The following PARD6G variants were observed in gnomAD, a reference collection of about 807,000 sequenced individuals.
The protein encoded by PARD6G is par-6 family cell polarity regulator gamma, also known as partitioning defective 6 homolog gamma.
PARD6G carries 7 observed loss-of-function variants against 10.7 expected under a neutral mutation model. The ratio of observed to expected loss-of-function variants is 0.66; its 90% confidence interval spans 0.37 to 1.23. PARD6G has a LOEUF of 1.23. PARD6G is among the 50% of genes most tolerant of loss of function. PARD6G has a pLI of 0.02. For missense variants in PARD6G, 548 were observed against 571.8 expected (o/e 0.96, Z 0.42); for synonymous variants, 287 against 269.4 (o/e 1.07, Z -0.64).
Position 80,247,215 on chromosome 18 carries a change from G to A in PARD6G, c.72+62C>T. The A allele has an allele frequency of 1.5e-6, 2 of 1,373,774 alleles. No homozygotes were observed. The highest frequency in any genetic ancestry group is 2.0e-6 in the Non-Finnish European group (2 of 1,003,238). The allele number at this position is 1,373,774 out of a possible 1,614,324, so 85.1% of individuals were successfully genotyped here. A position where few individuals can be genotyped will look rare whatever the true frequency, so the allele number is the denominator to read the frequency against. On this transcript the variant is annotated intron_variant, in intron 1 of 2. Transcript: ENST00000353265. The surrounding 1 kb of genome is among the most constrained non-coding windows in gnomAD (Gnocchi z 4.2). Reference sequence around the variant, plus strand: ...ACGCCGCCCCAGTCCCCCTCCGCGGGGCGCCCCATTCATTAGCCAGGAGAC... The same window carrying A: ...ACGCCGCCCCAGTCCCCCTCCGCGGAGCGCCCCATTCATTAGCCAGGAGAC...
intron 2 of PARD6G, among the ~76,000 whole-genome samples, chr18:80,195,126 T>G (rs1966938942): frequency 6.6e-6 from 1 of 152,016 alleles, no homozygotes. Context: ...TGGCCTCAGT[T>G]CCATCAAACT....
rs1028038811 is a variant in PARD6G, at chr18:80,246,166, A to C, written c.72+1111T>G. On this transcript the variant is annotated intron_variant, in intron 1 of 2. Transcript: ENST00000353265. The surrounding 1 kb of genome is among the most constrained non-coding windows in gnomAD (Gnocchi z 6.7). ...GGGTGCGGGCTCCCACTCCGCCGTT[A>C]GGAGCCTTTCCCACAACTCTGAGAA... Among the ~76,000 whole-genome samples, 1 of 152,068 alleles carries C rather than the reference A, an allele frequency of 6.6e-6. No homozygotes were observed. The highest frequency in any genetic ancestry group is 2.4e-5 in the African/African-American group (1 of 41,404).
At chr18:80,220,637 ATC>A (rs1417470453) in intron 1 of PARD6G, among the ~76,000 whole-genome samples, 4 of 151,686 alleles carry the variant, frequency 2.6e-5, no homozygotes, top group Non-Finnish European at 4.4e-5. Flanking sequence ...TTGAGACAAA[ATC>A]TCTCTGTGTC....
chr18:80,168,894 T>G (rs1441627812), intron 2 of PARD6G: 1 of 167,018 alleles, frequency 6.0e-6, no homozygotes, highest in Non-Finnish European at 1.5e-5. Flanking sequence ...ACTAAAGATT[T>G]TCTAAGAAAT....
At chr18:80,172,379 CT>C (rs796958659) in intron 2 of PARD6G, among the ~76,000 whole-genome samples, 4,908 of 134,792 alleles carry the variant, frequency 0.036, 80 homozygotes, top group Non-Finnish European at 0.05. Context: ...GGTTGTATGT[CT>C]TTTTTTTTTT....
At position 80,183,508 on chromosome 18, in the gene PARD6G, GGTC is replaced by G. The variant is rs1030015907; in HGVS notation, c.295+19199_295+19201del. Among the ~76,000 whole-genome samples the G allele has an allele frequency of 1.8e-4, 28 of 152,228 alleles. No individual in the cohort carries two copies. Among genetic ancestry groups the G allele is most frequent in the African/African-American group, 6.7e-4 (28 of 41,518 alleles). On this transcript the variant is annotated intron_variant, in intron 2 of 2. Coordinates refer to ENST00000353265, the MANE Select transcript of PARD6G (RefSeq NM_032510.4). This position sits in a 1 kb window ranked among gnomAD's most constrained non-coding sequence, Gnocchi z 4.5. ...CCAAGGCTCAGCACGTGATCCTGCC[GGTC>G]GTACACACAGCCCCAGCTCGAGCAC...
intron 1 of PARD6G, among the ~76,000 whole-genome samples, chr18:80,211,498 A>G (rs1022275533): frequency 6.6e-6 from 1 of 152,240 alleles, no homozygotes; most frequent in Non-Finnish European, 1.5e-5. Context: ...GAAAAACAAT[A>G]TGGCAGTTCC....
intron 1 of PARD6G, among the ~76,000 whole-genome samples, chr18:80,213,946 C>CAAAAA (rs36051371): frequency 1.7e-5 from 2 of 115,842 alleles, no homozygotes; most frequent in Non-Finnish European, 1.7e-5. Context: ...GACTCCATCT[C>CAAAAA]AAAAAAAAAA....
At chr18:80,244,223 G>A (rs1025509169) in intron 1 of PARD6G, among the ~76,000 whole-genome samples, 4 of 152,152 alleles carry the variant, frequency 2.6e-5, no homozygotes, top group Admixed American at 6.5e-5. Context: ...GGCAGGTCCT[G>A]TGGAAGGAGA....
intron 1 of PARD6G, among the ~76,000 whole-genome samples, chr18:80,214,748 T>A (rs1012923792): frequency 6.6e-6 from 1 of 151,216 alleles, no homozygotes; most frequent in African/African-American, 2.4e-5. Flanking sequence ...AATCTGGAGG[T>A]CCCAGAGGAG....
intron 1 of PARD6G, among the ~76,000 whole-genome samples, chr18:80,244,172 G>A (rs8083484): frequency 0.27 from 40,383 of 151,902 alleles, 7,101 homozygotes; most frequent in Non-Finnish European, 0.4. Context: ...TCTCCTCCAC[G>A]TGAAACACCC....
chr18:80,211,420 G>T (rs11081597), intron 1 of PARD6G, among the ~76,000 whole-genome samples: 39,867 of 152,158 alleles, frequency 0.26, 6,905 homozygotes, highest in Non-Finnish European at 0.4. Context: ...GTAAGTGTTG[G>T]CAAAGATGTG....
intron 1 of PARD6G, among the ~76,000 whole-genome samples, chr18:80,245,020 C>T (rs1285030759): frequency 2.0e-5 from 3 of 152,182 alleles, no homozygotes; most frequent in African/African-American, 2.4e-5. Flanking sequence ...CACCCCAGTT[C>T]AACCAAAACT....
rs1164600361 is a variant in PARD6G at position 80,200,656 on chromosome 18, C to G, written c.295+2054G>C. Reference sequence around the variant, plus strand: ...CCACGAGAGACTGAGAAACCCTGAGCCAGCTAGTTAAACTGGGCTACTACT... The same window carrying G: ...CCACGAGAGACTGAGAAACCCTGAGGCAGCTAGTTAAACTGGGCTACTACT... On this transcript the variant is annotated intron_variant, in intron 2 of 2. Coordinates refer to ENST00000353265, the MANE Select transcript of PARD6G (RefSeq NM_032510.4). This position sits in a 1 kb window ranked among gnomAD's most constrained non-coding sequence, Gnocchi z 4.4. 6.6e-6 allele frequency among the ~76,000 whole-genome samples: 1 copy of G among 152,150 alleles called. No homozygotes were observed. The highest frequency in any genetic ancestry group is 2.4e-5 in the African/African-American group (1 of 41,424).
intron 2 of PARD6G, among the ~76,000 whole-genome samples, chr18:80,186,548 TCACA>T (rs1373220995): frequency 6.6e-6 from 1 of 150,796 alleles, no homozygotes; most frequent in Non-Finnish European, 1.5e-5. Flanking sequence ...GCGCACACCC[TCACA>T]CACATGCACA....
intron 2 of PARD6G, among the ~76,000 whole-genome samples, chr18:80,194,413 C>T (rs1413680162): frequency 6.6e-6 from 1 of 152,134 alleles, no homozygotes; most frequent in Non-Finnish European, 1.5e-5. Flanking sequence ...TTCTTGAAGC[C>T]TCAGTGTCAT....
chr18:80,213,713 C>G (rs977760466), intron 1 of PARD6G, among the ~76,000 whole-genome samples: 5 of 152,108 alleles, frequency 3.3e-5, no homozygotes, highest in African/African-American at 1.2e-4. Flanking sequence ...AATCCCAGCA[C>G]TCTGGGAGGC....
At chr18:80,241,920 G>A (rs182633956) in intron 1 of PARD6G, among the ~76,000 whole-genome samples, 214 of 152,312 alleles carry the variant, frequency 1.4e-3, no homozygotes, top group Admixed American at 5.5e-3. Context: ...AATTCTGGAC[G>A]TGATTCACAA....
At chr18:80,187,864 G>A (rs2052888650) in intron 2 of PARD6G, 2 of 152,208 alleles carry the variant, frequency 1.3e-5, no homozygotes, top group Non-Finnish European at 2.9e-5. Context: ...AGGCTACGTG[G>A]AGTAGCCCAT....
Sources: allele counts gnomAD v4.1 joint callset (sites outside exome capture counted in the v4.1 genomes callset), GRCh38; gene constraint gnomAD v4.1.1; non-coding constraint Gnocchi (gnomAD v3.1); transcripts MANE v1.5; gene names NCBI Gene and HGNC (gene_info 2026-07-23, HGNC 2026-07-21).